Variants in CCT5 observed in about 807,000 individuals in gnomAD.
The protein encoded by CCT5 is T-complex protein 1 subunit epsilon.
Under a neutral mutation model 55.0 loss-of-function variants are expected in CCT5, and 6 were observed. The observed-to-expected ratio is 0.11, with a 90% CI of 0.06 to 0.22. The LOEUF (loss-of-function observed/expected upper bound fraction) is 0.22, where lower values mean the gene tolerates loss of function less well. Ranked by LOEUF, CCT5 falls within the 10% of genes least tolerant of loss-of-function variation. The pLI is 1.00. For missense variants in CCT5, 560 were observed against 694.6 expected, an observed-to-expected ratio of 0.81 and a Z score of 2.18; for synonymous variants, 231 against 243.7, an observed-to-expected ratio of 0.95 and a Z score of 0.49.
At chr5:10,259,710 G>A (rs1745861407) in intron 6 of CCT5, among the ~76,000 whole-genome samples, 1 of 152,222 alleles carries the variant, frequency 6.6e-6, no homozygotes, top group Non-Finnish European at 1.5e-5. Flanking sequence ...ATTGAAGCAT[G>A]CTGGCGGGAG....
intron 2 of CCT5, 34 bp from the exon 3 acceptor site, chr5:10,254,640 T>G: frequency 1.2e-6 from 2 of 1,611,160 alleles, no homozygotes; most frequent in Non-Finnish European, 1.7e-6. Flanking sequence ...GTTGCCAGTT[T>G]TTTGCGCAAA....
chr5:10,257,530 T>A (rs1278331086), intron 4 of CCT5, among the ~76,000 whole-genome samples: 1 of 152,222 alleles, frequency 6.6e-6, no homozygotes, highest in Admixed American at 6.5e-5. Flanking sequence ...TTTCCCTAGT[T>A]GTTTTTCTTG....
chr5:10,257,906 A>G (rs1579451428), intron 4 of CCT5: 2 of 607,092 alleles, frequency 3.3e-6, no homozygotes, highest in East Asian at 2.8e-5. Flanking sequence ...TTCCTATCTA[A>G]GTATACAGTC....
chr5:10,252,773 C>A (rs971194720), intron 1 of CCT5, among the ~76,000 whole-genome samples: 3 of 152,162 alleles, frequency 2.0e-5, no homozygotes, highest in African/African-American at 7.2e-5. Flanking sequence ...TGATACTCTT[C>A]CCTCTGGAAA....
intron 1 of CCT5, chr5:10,250,803 TG>T: frequency 8.7e-7 from 1 of 1,150,956 alleles, no homozygotes; most frequent in Non-Finnish European, 1.1e-6. Context: ...GCCGGGGAGA[TG>T]CTCTGTCACC....
intron 1 of CCT5, 84 bp downstream of exon 1, chr5:10,250,529 G>T (rs1019210028): frequency 5.7e-6 from 9 of 1,573,034 alleles, no homozygotes; most frequent in Non-Finnish European, 7.8e-6. Flanking sequence ...TTGAGGAGCG[G>T]CTCTGCCATG....
chr5:10,257,386 T>G (rs1447886564), intron 4 of CCT5, among the ~76,000 whole-genome samples: 1 of 152,240 alleles, frequency 6.6e-6, no homozygotes, highest in Non-Finnish European at 1.5e-5. Context: ...ACAAATCAGT[T>G]TTCTTGTTGC....
At chr5:10,251,890 G>C (rs1745440893) in intron 1 of CCT5, among the ~76,000 whole-genome samples, 1 of 152,208 alleles carries the variant, frequency 6.6e-6, no homozygotes, top group South Asian at 2.1e-4. Context: ...TTTTGCATCA[G>C]CCATTTTGTT....
Position 10,261,634 on chromosome 5 carries a change from T to C in CCT5, c.1068T>C (p.Ala356=). ...SELTAEKLGF[A]GLVQEISFGT... ...TCACAGCCGAGAAGCTGGGCTTTGC[T>C]GGTCTTGTACAGGAGATCTCATTTG... Residue 356 remains alanine (A), a synonymous_variant, in exon 8 of 11, where the codon GCT becomes GCC. Coordinates refer to ENST00000280326, the MANE Select transcript of CCT5 (RefSeq NM_012073.5). 1 of 1,614,206 alleles carries C rather than the reference T, an allele frequency of 6.2e-7. No individual in the cohort carries two copies. The highest frequency in any genetic ancestry group is 8.5e-7 in the Non-Finnish European group (1 of 1,180,030).
intron 2 of CCT5, 35 bp downstream of exon 2, chr5:10,254,240 G>T: frequency 7.3e-7 from 1 of 1,373,210 alleles, no homozygotes; most frequent in Non-Finnish European, 1.0e-6. Context: ...TTTAGCAAAA[G>T]ATTTAAATTA....
chr5:10,258,029 T>G, intron 4 of CCT5, 82 bp from the exon 5 acceptor site: 1 of 1,359,290 alleles, frequency 7.4e-7, no homozygotes, highest in Non-Finnish European at 1.0e-6. Flanking sequence ...TTTATATCTT[T>G]GAGTAACATT....
At chr5:10,249,985 G>A (rs767464245), upstream of CCT5, 49 of 1,376,948 alleles carry the variant, frequency 3.6e-5, no homozygotes, top group South Asian at 5.9e-4. Context: ...AAGAAATAAA[G>A]AAATAGTGCT....
chr5:10,256,619 C>G (rs1430470015), intron 4 of CCT5, among the ~76,000 whole-genome samples: 1 of 149,396 alleles, frequency 6.7e-6, no homozygotes, highest in Non-Finnish European at 1.5e-5. Context: ...GGTGAGAGGT[C>G]GAGGCTGCAG....
intron 1 of CCT5, among the ~76,000 whole-genome samples, chr5:10,252,431 T>C (rs537858229): frequency 6.6e-6 from 1 of 152,010 alleles, no homozygotes; most frequent in Non-Finnish European, 1.5e-5. Flanking sequence ...GTTTAACACT[T>C]AACTGTATAA....
rs76573887 is a variant in CCT5, at chr5:10,266,072, T to C, written c.*1289T>C. On this transcript the variant is annotated 3_prime_UTR_variant, in exon 11 of 11. Transcript: ENST00000280326. ...CTGTGGATTTAGGAATGTGTGCTAA[T>C]AGCAATCTTCCTAATTTTCATGTTT... 1.8e-4 allele frequency: 28 copies of C among 152,332 alleles called. No homozygotes were observed. Among genetic ancestry groups the C allele is most frequent in the African/African-American group, 6.7e-4 (28 of 41,572 alleles). The allele number at this position is 152,332 out of a possible 1,614,324, so 9.4% of individuals were successfully genotyped here.
At chr5:10,258,653 C>A (rs1228742426) in intron 6 of CCT5, 118 bp downstream of exon 6, 1 of 937,426 alleles carries the variant, frequency 1.1e-6, no homozygotes, top group Non-Finnish European at 1.7e-6. Context: ...AGGAAAAAAC[C>A]AAATTGCATA....
Position 10,250,394 on chromosome 5 carries a change from C to T in CCT5, c.54C>T (p.Ile18=), listed in dbSNP as rs780346706. ...AFDEYGRPFL[I]IKDQDRKSRL... is the part of the protein sequence containing the mutation. The stretch of plus-strand genomic sequence containing the variant: ...ATGAATATGGGCGCCCTTTCCTCAT[C>T]ATCAAGGATCAGGACCGCAAGTCCC... The change falls in exon 1 of 11, where the codon ATC becomes ATT. Residue 18 remains isoleucine, a synonymous_variant. Coordinates refer to ENST00000280326, the MANE Select transcript of CCT5 (RefSeq NM_012073.5). The T allele has an allele frequency of 6.2e-7, 1 of 1,614,172 alleles. No individual in the cohort carries two copies. Among genetic ancestry groups the T allele is most frequent in the South Asian group, 1.1e-5 (1 of 91,088 alleles).
At chr5:10,258,932 G>A (rs1158042394) in intron 6 of CCT5, among the ~76,000 whole-genome samples, 2 of 152,188 alleles carry the variant, frequency 1.3e-5, no homozygotes, top group Non-Finnish European at 2.9e-5. Context: ...GGCAGAGGTT[G>A]CAGTGAGCTG....
At position 10,258,124 on chromosome 5, in the gene CCT5, C is replaced by T. The variant is rs1387026985; in HGVS notation, c.544C>T (p.His182Tyr). The T allele has an allele frequency of 3.7e-6, 6 of 1,614,066 alleles. No homozygotes were observed. Among genetic ancestry groups the T allele is most frequent in the African/African-American group, 1.3e-5 (1 of 74,938 alleles). The change falls in exon 5 of 11, where the codon CAC (histidine) becomes TAC (tyrosine). Residue 182 changes from histidine to tyrosine, a missense_variant. Transcript: ENST00000280326. ...TLGSKVVNSC[H>Y]RQMAEIAVNA... ...TGTTTTCCTCAGGGTCAACAGTTGT[C>T]ACCGACAGATGGCTGAGATTGCTGT... is the stretch of plus-strand genomic sequence containing the variant.
Sources: gnomAD v4.1 joint callset for allele counts (sites outside exome capture counted in the v4.1 genomes callset) on GRCh38, gnomAD v4.1.1 for gene constraint, MANE v1.5 for transcripts, NCBI Gene and HGNC (gene_info 2026-07-23, HGNC 2026-07-21) for gene names.